KCNN3: variants seen among roughly 807,000 people sequenced by gnomAD.
KCNN3 encodes the protein potassium calcium-activated channel subfamily N member 3, also known as small conductance calcium-activated potassium channel protein 3.
KCNN3 carries 16 observed loss-of-function variants against 62.9 expected under a neutral mutation model. The ratio of observed to expected loss-of-function variants is 0.25; its 90% CI spans 0.17 to 0.39. The LOEUF (loss-of-function observed/expected upper bound fraction) is 0.39. Among genes scored for constraint, KCNN3 ranks in the 10% least tolerant of loss-of-function variants. KCNN3 has a pLI of 1.00. For synonymous variants in KCNN3, 370 were observed against 389.2 expected (o/e 0.95, Z 0.58); for missense variants, 599 against 949.4 (o/e 0.63, Z 4.85).
At chr1:154,851,662 T>C (rs1652303761) in intron 1 of KCNN3, among the ~76,000 whole-genome samples, 1 of 152,070 alleles carries the variant, frequency 6.6e-6, no homozygotes, top group African/African-American at 2.4e-5. Flanking sequence ...TGCCCTCCTT[T>C]TAAATAGCCC....
rs75125778 is a variant in KCNN3, at chr1:154,754,985, T to C, written c.1448+16990A>G. Among the ~76,000 whole-genome samples the C allele has an allele frequency of 6.6e-3, 1,012 of 152,342 alleles. 3 individuals carry two copies. Among genetic ancestry groups the C allele is most frequent in the Middle Eastern group, 0.024 (7 of 294 alleles). On this transcript the variant is annotated intron_variant, in intron 3 of 7. Transcript: ENST00000271915. ...GAGAAGATGTATATAAAACTTGGCA[T>C]GGTGCAGGGATGTATTCAAGAACTC... is the stretch of plus-strand genomic sequence containing the variant.
At chr1:154,712,038 G>A (rs1700088796) in intron 7 of KCNN3, among the ~76,000 whole-genome samples, 1 of 152,016 alleles carries the variant, frequency 6.6e-6, no homozygotes, top group African/African-American at 2.4e-5. Flanking sequence ...CAGGGAAAGG[G>A]AGAGGAAGAG....
intron 5 of KCNN3, among the ~76,000 whole-genome samples, chr1:154,722,362 G>A (rs940094442): frequency 6.8e-6 from 1 of 148,020 alleles, no homozygotes; most frequent in African/African-American, 2.5e-5. Context: ...TCACTGAGAT[G>A]TTATGAATAG....
At chr1:154,752,453 C>A (rs535213762) in intron 3 of KCNN3, among the ~76,000 whole-genome samples, 55 of 152,280 alleles carry the variant, frequency 3.6e-4, no homozygotes, top group African/African-American at 1.1e-3. Context: ...GGCAAGGGAA[C>A]CTCGGAGAAT....
Position 154,869,073 on chromosome 1 carries a change from TAAC to T in KCNN3, c.889_891del (p.Val297del). On this transcript the variant is annotated inframe_deletion, in exon 1 of 8. Transcript: ENST00000271915. This position sits in a 1 kb window ranked among gnomAD's most constrained non-coding sequence, Gnocchi z 6.1. ...CAAGAGAGCTCGGTCTCTATCACCATAACAACAATTCCAAACATCCCAAAAATC... is the reference window on the plus strand; with the variant it reads ...CAAGAGAGCTCGGTCTCTATCACCATAACAATTCCAAACATCCCAAAAATC... 3 of 1,614,178 alleles carry T rather than the reference TAAC, an allele frequency of 1.9e-6. No homozygotes were observed. The highest frequency in any genetic ancestry group is 2.5e-6 in the Non-Finnish European group (3 of 1,180,020).
intron 5 of KCNN3, among the ~76,000 whole-genome samples, chr1:154,715,918 C>A (rs1221144435): frequency 6.6e-6 from 1 of 152,152 alleles, no homozygotes; most frequent in Non-Finnish European, 1.5e-5. Flanking sequence ...TACCAACGAG[C>A]CCATTGTCTC....
intron 3 of KCNN3, among the ~76,000 whole-genome samples, chr1:154,754,683 G>A (rs895830079): frequency 5.3e-5 from 8 of 152,192 alleles, no homozygotes; most frequent in African/African-American, 1.2e-4. Context: ...TACCAACGAT[G>A]GCAGGGCAAC....
At chr1:154,760,954 C>T (rs1251798627) in intron 3 of KCNN3, among the ~76,000 whole-genome samples, 2 of 152,240 alleles carry the variant, frequency 1.3e-5, no homozygotes, top group Non-Finnish European at 2.9e-5. Context: ...ACGGAACTTG[C>T]ATTGCGCTTG....
intron 7 of KCNN3, among the ~76,000 whole-genome samples, chr1:154,712,819 G>A (rs1255120676): frequency 6.6e-6 from 1 of 152,166 alleles, no homozygotes; most frequent in Non-Finnish European, 1.5e-5. Context: ...TTTCCTTACA[G>A]TATTTATGGC....
At chr1:154,856,579 G>T (rs752389308) in intron 1 of KCNN3, among the ~76,000 whole-genome samples, 1 of 152,160 alleles carries the variant, frequency 6.6e-6, no homozygotes, top group Non-Finnish European at 1.5e-5. Flanking sequence ...AGCCTAGGAT[G>T]CTTCTCCTCA....
chr1:154,747,115 G>C (rs763638095), intron 3 of KCNN3, among the ~76,000 whole-genome samples: 1 of 152,200 alleles, frequency 6.6e-6, no homozygotes, highest in African/African-American at 2.4e-5. Context: ...ACCAGACACT[G>C]TTCCTGAGCT....
chr1:154,741,947 G>A (rs912455892), intron 3 of KCNN3, among the ~76,000 whole-genome samples: 2 of 152,228 alleles, frequency 1.3e-5, no homozygotes, highest in Admixed American at 6.5e-5. Flanking sequence ...TTTCTCCAAT[G>A]AGGAAGCCAA....
intron 2 of KCNN3, among the ~76,000 whole-genome samples, chr1:154,813,649 A>G (rs1650529865): frequency 6.6e-6 from 1 of 152,182 alleles, no homozygotes; most frequent in Admixed American, 6.5e-5. Flanking sequence ...ACAGAACCCC[A>G]GCTGACGGGG....
rs902755726 is a variant in KCNN3, at chr1:154,702,763, T to C, written c.*5213A>G. 2 of 144,702 alleles carry C rather than the reference T, an allele frequency of 1.4e-5. No homozygotes were observed. Among genetic ancestry groups the C allele is most frequent in the African/African-American group, 5.0e-5 (2 of 39,730 alleles). 9.0% of individuals were successfully genotyped at this position (144,702 alleles called of 1,614,324 possible). On this transcript the variant is annotated 3_prime_UTR_variant, in exon 8 of 8. Transcript: ENST00000271915. ...TATATATATATGTACTTTTTCTTTTTGGCTATAAATGTCAACATCTCTTTG... is the reference window on the plus strand; with the variant it reads ...TATATATATATGTACTTTTTCTTTTCGGCTATAAATGTCAACATCTCTTTG...
chr1:154,863,496 G>A (rs1187546037), intron 1 of KCNN3, among the ~76,000 whole-genome samples: 2 of 152,032 alleles, frequency 1.3e-5, no homozygotes, highest in Non-Finnish European at 2.9e-5. Context: ...ATATACAGCC[G>A]CCCCTCACAA....
Position 154,707,860 on chromosome 1 carries a change from G to T in KCNN3, c.*116C>A, listed in dbSNP as rs1334099287. ...TGAACATGAGTTAGTTAATTAGCTC[G>T]GTCTCTCTTCTTTCCGTTCCCTGGT... On this transcript the variant is annotated 3_prime_UTR_variant, in exon 8 of 8. Transcript: ENST00000271915. 1.7e-6 allele frequency: 2 copies of T among 1,175,026 alleles called. No individual in the cohort carries two copies. Among genetic ancestry groups the T allele is most frequent in the South Asian group, 1.5e-5 (1 of 67,330 alleles). The allele number at this position is 1,175,026 out of a possible 1,614,324, so 72.8% of individuals were successfully genotyped here. A position where few individuals can be genotyped will look rare whatever the true frequency, so the allele number is the denominator to read the frequency against.
chr1:154,752,879 C>G (rs1201469823), intron 3 of KCNN3, among the ~76,000 whole-genome samples: 1 of 152,170 alleles, frequency 6.6e-6, no homozygotes, highest in African/African-American at 2.4e-5. Flanking sequence ...TCAGAAGTTT[C>G]TCCTCCCTCG....
chr1:154,732,915 GC>G, intron 4 of KCNN3, 87 bp downstream of exon 4: 1 of 1,481,492 alleles, frequency 6.7e-7, no homozygotes, highest in South Asian at 1.1e-5. Flanking sequence ...CCGCTCTGCG[GC>G]TAGGAAGGCC....
chr1:154,788,758 C>T (rs755994632), intron 2 of KCNN3, among the ~76,000 whole-genome samples: 27 of 152,210 alleles, frequency 1.8e-4, no homozygotes, highest in Non-Finnish European at 3.5e-4. Flanking sequence ...TTTTATTTAA[C>T]AAATACTTAA....
Sources: gnomAD v4.1 joint callset for allele counts (sites outside exome capture counted in the v4.1 genomes callset) on GRCh38, gnomAD v4.1.1 for gene constraint, Gnocchi (gnomAD v3.1) non-coding constraint, MANE v1.5 for transcripts, NCBI Gene and HGNC (gene_info 2026-07-23, HGNC 2026-07-21) for gene names.